SDK1: variants seen among roughly 807,000 people sequenced by gnomAD.
SDK1 encodes protein sidekick-1.
In SDK1, 157 loss-of-function variants were observed where a neutral mutation model predicts 245.5. That is an observed-to-expected ratio of 0.64 (90% CI 0.56 to 0.73). The LOEUF (loss-of-function observed/expected upper bound fraction) is 0.73, where lower values mean the gene tolerates loss of function less well. Among genes scored for constraint, SDK1 ranks in the 30% least tolerant of loss-of-function variants. The pLI is 0.00. For synonymous variants in SDK1, 1,647 were observed against 1,278.5 expected (o/e 1.29, Z -6.15); for missense variants, 3,583 against 3,002.3 (o/e 1.19, Z -4.52).
Position 4,010,979 on chromosome 7 carries a change from G to A in SDK1, c.2145G>A (p.Lys715=), listed in dbSNP as rs778591723. 3.1e-6 allele frequency: 5 copies of A among 1,614,242 alleles called. No individual in the cohort carries two copies. In the East Asian group the frequency reaches 8.9e-5, roughly 29 times the overall value. ...TCATTCTTTCAGACTCTCCATGGAA[G>A]GTGCATCTGTCAAACGTTGGCCCTG... ...VELSENNSPW[K]VHLSNVGPEM... Residue 715 remains lysine (K), a synonymous_variant, in exon 15 of 45, where the codon AAG becomes AAA. Transcript: ENST00000404826.
chr7:3,438,458 C>T (rs546152650), intron 1 of SDK1, among the ~76,000 whole-genome samples: 6 of 152,192 alleles, frequency 3.9e-5, no homozygotes, highest in East Asian at 1.9e-4. Flanking sequence ...TTTCTGTGGC[C>T]GCTATTTCTG....
intron 4 of SDK1, among the ~76,000 whole-genome samples, chr7:3,754,054 G>A (rs1477701601): frequency 6.6e-6 from 1 of 152,186 alleles, no homozygotes; most frequent in Non-Finnish European, 1.5e-5. Flanking sequence ...AAATGACTAG[G>A]CCATATGGAA....
intron 28 of SDK1, among the ~76,000 whole-genome samples, chr7:4,139,345 A>C (rs908734126): frequency 6.6e-6 from 1 of 151,516 alleles, no homozygotes. Flanking sequence ...GCATCTATCT[A>C]TCTGTATGTA....
At chr7:3,923,008 T>C (rs1372135051) in intron 5 of SDK1, among the ~76,000 whole-genome samples, 2 of 152,250 alleles carry the variant, frequency 1.3e-5, no homozygotes, top group African/African-American at 4.8e-5. Context: ...GTTCACTGAT[T>C]TGATTGTATG....
chr7:3,952,939 C>G (rs562100361), intron 7 of SDK1, among the ~76,000 whole-genome samples: 7 of 152,236 alleles, frequency 4.6e-5, no homozygotes, highest in African/African-American at 1.4e-4. Context: ...TACTGTCATG[C>G]ATTTATTCTT....
intron 4 of SDK1, among the ~76,000 whole-genome samples, chr7:3,663,301 A>G (rs2128660088): frequency 6.6e-6 from 1 of 152,344 alleles, no homozygotes; most frequent in Non-Finnish European, 1.5e-5. Context: ...TTTTGTTTTC[A>G]AGTGGGATAA....
chr7:3,363,755 G>A (rs922598009), intron 1 of SDK1, among the ~76,000 whole-genome samples: 1 of 152,188 alleles, frequency 6.6e-6, no homozygotes, highest in Non-Finnish European at 1.5e-5. Flanking sequence ...TGATTTGCCC[G>A]GAGGAGCTCA....
chr7:3,495,982 C>G (rs981561624), intron 1 of SDK1, among the ~76,000 whole-genome samples: 5 of 152,198 alleles, frequency 3.3e-5, no homozygotes, highest in African/African-American at 1.2e-4. Flanking sequence ...CTTATCTTTT[C>G]TCAGTGGCCC....
chr7:3,901,408 G>T (rs984252508), intron 5 of SDK1, among the ~76,000 whole-genome samples: 3 of 152,036 alleles, frequency 2.0e-5, no homozygotes, highest in Admixed American at 6.6e-5. Flanking sequence ...GGATGGTCTC[G>T]ATCTCTTGAC....
intron 19 of SDK1, among the ~76,000 whole-genome samples, chr7:4,063,395 A>AGG (rs2128171756): frequency 6.6e-6 from 1 of 152,294 alleles, no homozygotes; most frequent in East Asian, 1.9e-4. Flanking sequence ...TTAACCAAGG[A>AGG]GGTGAAAGAT....
intron 13 of SDK1, among the ~76,000 whole-genome samples, chr7:3,986,828 C>T (rs968840044): frequency 1.3e-5 from 2 of 152,186 alleles, no homozygotes; most frequent in African/African-American, 4.8e-5. Context: ...TCACAGCACT[C>T]CAGGCTGGGC....
chr7:3,317,453 C>G (rs529947416), intron 1 of SDK1, among the ~76,000 whole-genome samples: 2 of 152,150 alleles, frequency 1.3e-5, no homozygotes, highest in Admixed American at 6.5e-5. Flanking sequence ...TTCCCTGTTT[C>G]CTTTAGATGA....
chr7:3,992,706 C>T (rs940828938), intron 14 of SDK1, among the ~76,000 whole-genome samples: 4 of 152,142 alleles, frequency 2.6e-5, no homozygotes, highest in Non-Finnish European at 5.9e-5. Context: ...AAAGACTTTG[C>T]AGTGTGCCAT....
intron 35 of SDK1, among the ~76,000 whole-genome samples, chr7:4,181,339 C>T (rs1782592031): frequency 6.6e-6 from 1 of 152,226 alleles, no homozygotes; most frequent in Admixed American, 6.5e-5. Flanking sequence ...TGTGTCTGCT[C>T]CTCCAGGGAT....
intron 1 of SDK1, among the ~76,000 whole-genome samples, chr7:3,315,934 A>G (rs1779653361): frequency 6.6e-6 from 1 of 152,164 alleles, no homozygotes; most frequent in African/African-American, 2.4e-5. Flanking sequence ...GGCTCATTAT[A>G]AGAATAAAAA....
At chr7:3,381,389 C>T (rs1425930500) in intron 1 of SDK1, among the ~76,000 whole-genome samples, 2 of 151,982 alleles carry the variant, frequency 1.3e-5, no homozygotes, top group Non-Finnish European at 2.9e-5. Context: ...AGAAAGAGCA[C>T]CCGCACTGGT....
At chr7:3,618,341 C>G (rs1781832169) in intron 1 of SDK1, among the ~76,000 whole-genome samples, 1 of 152,200 alleles carries the variant, frequency 6.6e-6, no homozygotes, top group Non-Finnish European at 1.5e-5. Flanking sequence ...TTATCCTTAA[C>G]CTCTGACACC....
intron 1 of SDK1, among the ~76,000 whole-genome samples, chr7:3,508,575 G>C (rs765664079): frequency 2.0e-5 from 3 of 151,976 alleles, no homozygotes; most frequent in African/African-American, 7.2e-5. Flanking sequence ...TGATATACCC[G>C]CCTGGGCCTC....
At chr7:4,203,498 A>G (rs981792399) in intron 35 of SDK1, among the ~76,000 whole-genome samples, 4 of 151,250 alleles carry the variant, frequency 2.6e-5, no homozygotes, top group Admixed American at 2.6e-4. Context: ...CCGGTCTAAA[A>G]TGCTTTTTAA....
Sources: allele counts gnomAD v4.1 joint callset (sites outside exome capture counted in the v4.1 genomes callset), GRCh38; gene constraint gnomAD v4.1.1; transcripts MANE v1.5; gene names NCBI Gene and HGNC (gene_info 2026-07-23, HGNC 2026-07-21).